The following GPM6A variants were observed in gnomAD, a reference collection of about 807,000 sequenced individuals.
GPM6A encodes glycoprotein M6A.
GPM6A carries 7 observed loss-of-function variants against 32.1 expected under a neutral mutation model. The observed-to-expected ratio is 0.22, with a 90% CI of 0.12 to 0.41. The LOEUF (loss-of-function observed/expected upper bound fraction) is 0.41. Ranked by LOEUF, GPM6A falls within the 10% of genes least tolerant of loss-of-function variation. The pLI is 1.00. For missense variants in GPM6A, 235 were observed against 347.2 expected (o/e 0.68, Z 2.57); for synonymous variants, 130 against 123.4 (o/e 1.05, Z -0.35).
intron 1 of GPM6A, among the ~76,000 whole-genome samples, chr4:175,750,507 G>C (rs2111187631): frequency 6.6e-6 from 1 of 152,246 alleles, no homozygotes; most frequent in Admixed American, 6.6e-5. Flanking sequence ...AAGTTAACAT[G>C]GTAACATGGA....
chr4:175,924,839 C>CAA (rs1190915755), intron 1 of GPM6A, among the ~76,000 whole-genome samples: 96 of 61,712 alleles, frequency 1.6e-3, no homozygotes, highest in African/African-American at 3.0e-3. Flanking sequence ...AAATCTGTCT[C>CAA]AAAAAAAAAA....
At chr4:175,667,318 C>T (rs754126291) in intron 3 of GPM6A, among the ~76,000 whole-genome samples, 8 of 152,082 alleles carry the variant, frequency 5.3e-5, no homozygotes, top group Admixed American at 2.0e-4. Context: ...CTCAAAACCC[C>T]AATCTAATCA....
intron 1 of GPM6A, among the ~76,000 whole-genome samples, chr4:175,833,590 T>TC (rs1439032276): frequency 1.3e-5 from 2 of 152,218 alleles, no homozygotes; most frequent in African/African-American, 4.8e-5. Context: ...TAATTCAGCT[T>TC]CGTGTTGTTC....
intron 1 of GPM6A, among the ~76,000 whole-genome samples, chr4:175,715,839 G>A (rs1003771576): frequency 6.6e-6 from 1 of 152,112 alleles, no homozygotes; most frequent in African/African-American, 2.4e-5. Context: ...GCCAAGGCGG[G>A]CAGATAACCT....
chr4:175,873,095 T>C (rs1736961984), intron 1 of GPM6A, among the ~76,000 whole-genome samples: 1 of 152,118 alleles, frequency 6.6e-6, no homozygotes, highest in Non-Finnish European at 1.5e-5. Context: ...CTATGTTCAA[T>C]TGATTAGATA....
At chr4:175,816,085 G>A (rs1239086967), upstream of GPM6A, among the ~76,000 whole-genome samples, 1 of 152,178 alleles carries the variant, frequency 6.6e-6, no homozygotes, top group African/African-American at 2.4e-5. Flanking sequence ...CAGCTACTGG[G>A]GAGGCTGAGG....
Position 175,640,184 on chromosome 4 carries a change from G to C in GPM6A, c.629C>G (p.Thr210Ser), listed in dbSNP as rs201095474. ...RMCESTELNM[T>S]FHLFIVALAG... ...AAGTGCCACAATAAACAAGTGGAAG[G>C]TCATGTTCAGCTGCAATGGAAACCA... Residue 210 changes from threonine to serine, a missense_variant, in exon 6 of 7, where the codon ACC (threonine) becomes AGC (serine). By Grantham distance (58) the Thr-to-Ser change is moderately conservative. Coordinates refer to ENST00000393658, the MANE Select transcript of GPM6A (RefSeq NM_201591.3). 6.2e-7 allele frequency: 1 copy of C among 1,613,454 alleles called. No homozygotes were observed. The highest frequency in any genetic ancestry group is 1.3e-5 in the African/African-American group (1 of 75,008).
intron 1 of GPM6A, among the ~76,000 whole-genome samples, chr4:175,945,985 A>G (rs1180713330): frequency 6.6e-6 from 1 of 152,074 alleles, no homozygotes; most frequent in Non-Finnish European, 1.5e-5. Flanking sequence ...ATGGACATAG[A>G]GAGTGAAATA....
intron 1 of GPM6A, among the ~76,000 whole-genome samples, chr4:175,980,752 T>C (rs1434865590): frequency 6.6e-6 from 1 of 152,194 alleles, no homozygotes. Context: ...TGAAAAGATT[T>C]ATGTACAGGT....
At chr4:175,655,398 A>G (rs2110929389) in intron 3 of GPM6A, among the ~76,000 whole-genome samples, 1 of 152,198 alleles carries the variant, frequency 6.6e-6, no homozygotes, top group Non-Finnish European at 1.5e-5. Flanking sequence ...AGAATTATTC[A>G]AATTGATTAT....
rs757904704 is a variant in GPM6A, at chr4:175,734,151, TATATA to T, written c.38-32389_38-32385del. ...AATTTTTGCCATATATATATATATA[TATATA>T]TATATTTTTTAATTTCAACATCTGA... On this transcript the variant is annotated intron_variant, in intron 1 of 6. Transcript: ENST00000393658. 5.6e-3 allele frequency among the ~76,000 whole-genome samples: 801 copies of T among 143,690 alleles called. 42 individuals carry two copies. The East Asian group carries it at 0.14, about 25-fold the overall frequency. The allele number at this position is 143,690 out of a possible 152,430, so 94.3% of individuals were successfully genotyped here.
At chr4:175,910,914 T>C (rs1178710404) in intron 1 of GPM6A, among the ~76,000 whole-genome samples, 2 of 152,104 alleles carry the variant, frequency 1.3e-5, no homozygotes, top group Admixed American at 6.6e-5. Flanking sequence ...TGCTCCAAAA[T>C]TTACAAAGAG....
At chr4:175,813,474 C>T (rs1053793426), upstream of GPM6A, among the ~76,000 whole-genome samples, 14 of 151,996 alleles carry the variant, frequency 9.2e-5, no homozygotes, top group Admixed American at 8.5e-4. Flanking sequence ...AAGAAAGGAT[C>T]CTTGCCTCTG....
At chr4:175,778,627 C>CAAAA (rs34286041) in intron 1 of GPM6A, among the ~76,000 whole-genome samples, 801 of 75,058 alleles carry the variant, frequency 0.011, no homozygotes, top group Middle Eastern at 0.02. Flanking sequence ...CTGTATCCAA[C>CAAAA]AAAAAAAAAA....
At chr4:175,703,629 T>G (rs1289008971) in intron 1 of GPM6A, among the ~76,000 whole-genome samples, 1 of 152,198 alleles carries the variant, frequency 6.6e-6, no homozygotes, top group Non-Finnish European at 1.5e-5. Flanking sequence ...AAAATGATGG[T>G]AAATATTCAA....
chr4:175,815,566 T>C (rs1495717), upstream of GPM6A, among the ~76,000 whole-genome samples: 112,859 of 151,916 alleles, frequency 0.74, 42,156 homozygotes, highest in East Asian at 0.93. Flanking sequence ...ATTTGCCCCA[T>C]TCTACTCTTA....
chr4:175,838,053 C>G (rs1735821566), intron 1 of GPM6A, among the ~76,000 whole-genome samples: 1 of 150,732 alleles, frequency 6.6e-6, no homozygotes, highest in Non-Finnish European at 1.5e-5. Context: ...TACCACAGCT[C>G]CTAATAAAGA....
intron 1 of GPM6A, among the ~76,000 whole-genome samples, chr4:175,747,796 G>A (rs1241634902): frequency 7.0e-6 from 1 of 143,812 alleles, no homozygotes; most frequent in Non-Finnish European, 1.6e-5. Context: ...AGTGAAGTTT[G>A]CCACATTGAT....
intron 1 of GPM6A, among the ~76,000 whole-genome samples, chr4:175,902,444 G>A (rs574629135): frequency 3.3e-5 from 5 of 152,276 alleles, no homozygotes; most frequent in African/African-American, 4.8e-5. Context: ...GTCAGCAGCT[G>A]TGCCAATAGG....
Sources: gnomAD v4.1 joint callset for allele counts (sites outside exome capture counted in the v4.1 genomes callset) on GRCh38, gnomAD v4.1.1 for gene constraint, MANE v1.5 for transcripts, NCBI Gene and HGNC (gene_info 2026-07-23, HGNC 2026-07-21) for gene names.